EYS: variants seen among roughly 807,000 people sequenced by gnomAD.
The protein encoded by EYS is EGF-like photoreceptor maintenance factor, also known as protein eyes shut homolog.
Under a neutral mutation model 282.1 loss-of-function variants are expected in EYS, and 250 were observed. The observed-to-expected ratio is 0.89, with a 90% CI of 0.80 to 0.98. The LOEUF (loss-of-function observed/expected upper bound fraction) is 0.98. Among genes scored for constraint, EYS ranks in the 50% least tolerant of loss-of-function variants. The probability of loss-of-function intolerance (pLI) is 0.00; values close to 1 mark genes in which losing one functional copy is unlikely to be tolerated. For missense variants in EYS, 4,016 were observed against 3,709.0 expected (o/e 1.08, Z -2.15); for synonymous variants, 1,355 against 1,282.9 (o/e 1.06, Z -1.20).
intron 28 of EYS, among the ~76,000 whole-genome samples, chr6:64,410,636 T>C (rs545775462): frequency 3.3e-5 from 5 of 152,308 alleles, no homozygotes; most frequent in African/African-American, 1.2e-4. Context: ...TGTGTGTATG[T>C]ATTTGTGAGG....
rs1331701106 is a variant in EYS, at chr6:65,399,929, C to A, written c.1184+2549G>T. 2.0e-5 allele frequency among the ~76,000 whole-genome samples: 3 copies of A among 152,130 alleles called. No individual in the cohort carries two copies. In the East Asian group the frequency reaches 5.8e-4, roughly 29 times the overall value. On this transcript the variant is annotated intron_variant, in intron 7 of 42. Transcript: ENST00000503581. ...AAAATGACCTCCAGTTGCCCAATTA[C>A]ATGCTGCAATACAATTTCTTAGTGT...
intron 35 of EYS, among the ~76,000 whole-genome samples, chr6:63,965,402 C>T (rs1766259883): frequency 6.6e-6 from 1 of 152,188 alleles, no homozygotes; most frequent in South Asian, 2.1e-4. Flanking sequence ...AACATTTATA[C>T]ACCATTGTAA....
At chr6:65,142,413 G>T (rs1764369502) in intron 12 of EYS, among the ~76,000 whole-genome samples, 1 of 149,926 alleles carries the variant, frequency 6.7e-6, no homozygotes, top group Non-Finnish European at 1.5e-5. Flanking sequence ...TTGTTGTGAT[G>T]AAGTAGTTCT....
At chr6:64,181,431 A>G (rs943283249) in intron 31 of EYS, among the ~76,000 whole-genome samples, 3 of 152,134 alleles carry the variant, frequency 2.0e-5, no homozygotes, top group Non-Finnish European at 4.4e-5. Context: ...ACTCATGCCA[A>G]TCAAAAATCC....
intron 5 of EYS, among the ~76,000 whole-genome samples, chr6:65,418,641 C>G (rs1461613905): frequency 6.6e-6 from 1 of 151,970 alleles, no homozygotes; most frequent in Non-Finnish European, 1.5e-5. Context: ...GGAAACCAAA[C>G]ACCACATGTT....
chr6:65,673,605 G>A (rs573988025), intron 1 of EYS, among the ~76,000 whole-genome samples: 3 of 152,076 alleles, frequency 2.0e-5, no homozygotes, highest in South Asian at 2.1e-4. Flanking sequence ...TTGATGAGGC[G>A]TGTTTTTAAA....
intron 12 of EYS, among the ~76,000 whole-genome samples, chr6:65,279,069 T>G (rs948317394): frequency 5.7e-4 from 87 of 152,106 alleles, no homozygotes; most frequent in African/African-American, 2.0e-3. Flanking sequence ...CATCCTGTAG[T>G]CCTAGCTAAT....
chr6:64,550,416 A>C (rs1318320335), intron 26 of EYS, among the ~76,000 whole-genome samples: 1 of 152,066 alleles, frequency 6.6e-6, no homozygotes, highest in Admixed American at 6.6e-5. Flanking sequence ...CTGACTTTTT[A>C]ATGATCGCCA....
At chr6:65,531,655 C>T (rs1264250414) in intron 2 of EYS, among the ~76,000 whole-genome samples, 2 of 152,152 alleles carry the variant, frequency 1.3e-5, no homozygotes, top group Non-Finnish European at 2.9e-5. Context: ...TCTATTTCCT[C>T]TTCATTTTAT....
chr6:64,632,979 ATTTTATTATAG>A (rs1767842425), intron 22 of EYS, among the ~76,000 whole-genome samples: 1 of 152,172 alleles, frequency 6.6e-6, no homozygotes, highest in Non-Finnish European at 1.5e-5. Context: ...GTGTAATTTA[ATTTTATTATAG>A]TCAAACTGCA....
chr6:65,111,809 T>C (rs955442155), intron 12 of EYS, among the ~76,000 whole-genome samples: 18 of 152,306 alleles, frequency 1.2e-4, no homozygotes, highest in African/African-American at 4.3e-4. Context: ...ATTGCACCAC[T>C]GCACTCCAGT....
At chr6:65,109,808 A>G (rs563630064) in intron 12 of EYS, among the ~76,000 whole-genome samples, 9 of 152,196 alleles carry the variant, frequency 5.9e-5, no homozygotes, top group African/African-American at 1.9e-4. Context: ...ACTCTGCTAT[A>G]GAACCTGCCT....
chr6:63,728,751 C>CT (rs916173664), intron 41 of EYS, among the ~76,000 whole-genome samples: 5 of 152,042 alleles, frequency 3.3e-5, no homozygotes, highest in Admixed American at 1.3e-4. Flanking sequence ...AACCACTGAT[C>CT]TTTTTTTACT....
chr6:64,686,783 A>G lies in EYS; in HGVS notation c.3444-60538T>C, dbSNP rs1453088700. On this transcript the variant is annotated intron_variant, in intron 22 of 42. Transcript: ENST00000503581. ...TATATGTGTGTATATATATATATAT[A>G]TATATGTGTGTATATATATATGTGT... Among the ~76,000 whole-genome samples, 2 of 19,818 alleles carry G rather than the reference A, an allele frequency of 1.0e-4. 1 individual carries two copies. The highest frequency in any genetic ancestry group is 1.5e-4 in the African/African-American group (2 of 13,770). The allele number at this position is 19,818 out of a possible 152,430, so 13.0% of individuals were successfully genotyped here. A position where few individuals can be genotyped will look rare whatever the true frequency, so the allele number is the denominator to read the frequency against.
At chr6:64,190,165 C>A (rs1765059525) in intron 31 of EYS, among the ~76,000 whole-genome samples, 2 of 152,148 alleles carry the variant, frequency 1.3e-5, no homozygotes, top group East Asian at 3.9e-4. Flanking sequence ...GCTGAGTGAG[C>A]ACGCTAGAGA....
intron 27 of EYS, 58 bp from the exon 28 acceptor site, chr6:64,436,323 A>G: frequency 6.0e-6 from 5 of 838,324 alleles, no homozygotes; most frequent in Non-Finnish European, 9.8e-6. Context: ...TTAATACCAT[A>G]TATTTGCACT....
chr6:64,394,817 A>C (rs1045752767), intron 28 of EYS, among the ~76,000 whole-genome samples: 39 of 152,346 alleles, frequency 2.6e-4, no homozygotes, highest in South Asian at 1.5e-3. Flanking sequence ...TGCACAGCAA[A>C]AGAAACTACC....
At chr6:64,863,961 T>C (rs1766331937) in intron 19 of EYS, among the ~76,000 whole-genome samples, 2 of 152,236 alleles carry the variant, frequency 1.3e-5, no homozygotes, top group African/African-American at 2.4e-5. Flanking sequence ...GTATGGATTC[T>C]AATTCCCTAT....
intron 8 of EYS, among the ~76,000 whole-genome samples, chr6:65,361,931 T>C (rs532337906): frequency 6.6e-6 from 1 of 152,194 alleles, no homozygotes. Context: ...GAATTTTTCA[T>C]GATTGTGAAG....
Sources: gnomAD v4.1 joint callset for allele counts (sites outside exome capture counted in the v4.1 genomes callset) on GRCh38, gnomAD v4.1.1 for gene constraint, MANE v1.5 for transcripts, NCBI Gene and HGNC (gene_info 2026-07-23, HGNC 2026-07-21) for gene names.